C1orf198: variants seen among roughly 807,000 people sequenced by gnomAD.
C1orf198 encodes uncharacterized protein C1orf198.
A neutral mutation model predicts 31.4 loss-of-function variants in C1orf198; 17 were observed. That is an observed-to-expected ratio of 0.54 (90% CI 0.37 to 0.81). The LOEUF is 0.81. Among genes scored for constraint, C1orf198 ranks in the 40% least tolerant of loss-of-function variants. The pLI is 0.00. For synonymous variants in C1orf198, 175 were observed against 193.8 expected (o/e 0.90, Z 0.81); for missense variants, 401 against 450.3 (o/e 0.89, Z 0.99).
At chr1:230,855,169 A>G (rs1350258737) in intron 2 of C1orf198, among the ~76,000 whole-genome samples, 1 of 152,234 alleles carries the variant, frequency 6.6e-6, no homozygotes, top group Non-Finnish European at 1.5e-5. Flanking sequence ...GGTGATGATG[A>G]TGATAATGAT....
chr1:230,841,449 A>G (rs1336062170), intron 3 of C1orf198, among the ~76,000 whole-genome samples: 1 of 152,170 alleles, frequency 6.6e-6, no homozygotes, highest in Non-Finnish European at 1.5e-5. Flanking sequence ...CTCAACAACA[A>G]AATAACCAAA....
At chr1:230,868,780 C>A (rs1670190327), upstream of C1orf198, 1 of 166,968 alleles carries the variant, frequency 6.0e-6, no homozygotes, top group Non-Finnish European at 1.3e-5. Context: ...AGTGGATTAC[C>A]GCGGTGCCCG....
intron 2 of C1orf198, among the ~76,000 whole-genome samples, chr1:230,854,602 G>A (rs780248965): frequency 6.6e-6 from 1 of 152,090 alleles, no homozygotes; most frequent in African/African-American, 2.4e-5. Flanking sequence ...ATTGTCCCAC[G>A]CTCCCACGCC....
intron 1 of C1orf198, among the ~76,000 whole-genome samples, chr1:230,861,138 C>T (rs1180467507): frequency 1.3e-5 from 2 of 152,146 alleles, no homozygotes; most frequent in African/African-American, 4.8e-5. Context: ...TGTATGATAC[C>T]ATCATGGCGT....
intron 2 of C1orf198, among the ~76,000 whole-genome samples, chr1:230,848,413 G>A (rs1669647628): frequency 6.6e-6 from 1 of 152,172 alleles, no homozygotes; most frequent in South Asian, 2.1e-4. Flanking sequence ...AAGGGTGTGT[G>A]GGTAGGAAGG....
chr1:230,854,318 G>A (rs1669817252), intron 2 of C1orf198, among the ~76,000 whole-genome samples: 2 of 152,046 alleles, frequency 1.3e-5, no homozygotes, highest in African/African-American at 4.8e-5. Context: ...TACCCATTTT[G>A]GGAGCCCATA....
At position 230,843,434 on chromosome 1, in the gene C1orf198, G is replaced by A. The variant is rs1669501131; in HGVS notation, c.847C>T (p.Leu283Phe). ...TCAGGAGATGGCAGCTTCCCCTCGA[G>A]CTGGGAGGGGGCAGCCTCGTGCAGT... Reference protein sequence around the residue: ...SALHEAAPSQLEGKLPSPDVR... With the variant: ...SALHEAAPSQFEGKLPSPDVR... Residue 283 changes from leucine (L) to phenylalanine (F), a missense_variant, in exon 3 of 4, where the codon CTC becomes TTC. By Grantham distance (22) the Leu-to-Phe change is conservative. Transcript: ENST00000366663. The surrounding 1 kb of genome is among the most constrained non-coding windows in gnomAD (Gnocchi z 4.9). The A allele has an allele frequency of 1.9e-6, 3 of 1,592,700 alleles. No individual in the cohort carries two copies. The highest frequency in any genetic ancestry group is 2.6e-6 in the Non-Finnish European group (3 of 1,169,318).
At chr1:230,856,988 C>G (rs1396666823) in intron 1 of C1orf198, among the ~76,000 whole-genome samples, 2 of 152,220 alleles carry the variant, frequency 1.3e-5, no homozygotes, top group Non-Finnish European at 2.9e-5. Context: ...CTAGCTTAGC[C>G]TCAGACACTG....
rs576340515 is a variant in C1orf198, at chr1:230,865,750, T to C, written c.333+2430A>G. Among the ~76,000 whole-genome samples the C allele has an allele frequency of 5.3e-5, 8 of 152,332 alleles. No homozygotes were observed. The South Asian group carries it at 1.7e-3, about 32-fold the overall frequency. ...CTGACCACATTCAAAACCACCAAGA[T>C]CTGTGATCAGCATCATATAATCAAT... On this transcript the variant is annotated intron_variant, in intron 1 of 3. Transcript: ENST00000366663.
At chr1:230,863,302 T>G (rs995042339) in intron 1 of C1orf198, among the ~76,000 whole-genome samples, 11 of 152,114 alleles carry the variant, frequency 7.2e-5, no homozygotes, top group African/African-American at 2.7e-4. Flanking sequence ...AGCATGGTAA[T>G]GGAAACAGGA....
intron 1 of C1orf198, among the ~76,000 whole-genome samples, chr1:230,861,940 G>A (rs1323256485): frequency 2.6e-5 from 4 of 152,190 alleles, no homozygotes; most frequent in Admixed American, 6.5e-5. Flanking sequence ...TGACACCTGT[G>A]GCATCTTGGC....
rs1669335471 is a variant in C1orf198 at position 230,837,643 on chromosome 1, A to C, written c.*2209T>G. On this transcript the variant is annotated 3_prime_UTR_variant, in exon 4 of 4. Transcript: ENST00000366663. Reference sequence around the variant, plus strand: ...GTAGAGGAAGATCTGCCGGTCAGGCAGGATGAAGACCCACACAGGAGCCTG... The same window carrying C: ...GTAGAGGAAGATCTGCCGGTCAGGCCGGATGAAGACCCACACAGGAGCCTG... The C allele has an allele frequency of 6.6e-6, 1 of 152,192 alleles. No homozygotes were observed. The highest frequency in any genetic ancestry group is 2.4e-5 in the African/African-American group (1 of 41,456). 9.4% of individuals were successfully genotyped at this position (152,192 alleles called of 1,614,324 possible).
chr1:230,861,450 T>C (rs994726279), intron 1 of C1orf198, among the ~76,000 whole-genome samples: 3 of 152,232 alleles, frequency 2.0e-5, no homozygotes, highest in Admixed American at 1.3e-4. Context: ...ATACAGTTAC[T>C]ATTATCCATG....
At chr1:230,860,691 T>C (rs1669985345) in intron 1 of C1orf198, among the ~76,000 whole-genome samples, 1 of 152,182 alleles carries the variant, frequency 6.6e-6, no homozygotes, top group Non-Finnish European at 1.5e-5. Flanking sequence ...GAATAGAGGT[T>C]ATCAGAGACT....
chr1:230,846,748 G>A (rs2102977273), intron 2 of C1orf198, among the ~76,000 whole-genome samples: 1 of 152,266 alleles, frequency 6.6e-6, no homozygotes, highest in South Asian at 2.1e-4. Flanking sequence ...AGATCACGAG[G>A]TCAGAAGTTT....
At position 230,868,513 on chromosome 1, in the gene C1orf198, G is replaced by A. The variant is rs774967201; in HGVS notation, c.-1C>T. 7.5e-7 allele frequency: 1 copy of A among 1,336,426 alleles called. No individual in the cohort carries two copies. Among genetic ancestry groups the A allele is most frequent in the Non-Finnish European group, 9.7e-7 (1 of 1,035,986 alleles). 82.8% of individuals were successfully genotyped at this position (1,336,426 alleles called of 1,614,324 possible). On this transcript the variant is annotated 5_prime_UTR_variant, in exon 1 of 4. Coordinates refer to ENST00000366663, the MANE Select transcript of C1orf198 (RefSeq NM_032800.3). ...CGATCGCCGCCGCCATGGACGCCAT[G>A]CCCGGCCTGCCCGCCGCTCCCGGCC...
At position 230,839,737 on chromosome 1, in the gene C1orf198, AAG is replaced by A; in HGVS notation, c.*113_*114del. The stretch of plus-strand genomic sequence containing the variant: ...TGACCAGTTTCCAAATGATTAAGAA[AAG>A]AGTGTCAAGAAACCAGTAAAATACA... On this transcript the variant is annotated 3_prime_UTR_variant, in exon 4 of 4. Transcript: ENST00000366663. The A allele has an allele frequency of 1.1e-6, 1 of 905,462 alleles. No homozygotes were observed. The highest frequency in any genetic ancestry group is 1.7e-6 in the Non-Finnish European group (1 of 602,946). The allele number at this position is 905,462 out of a possible 1,614,324, so 56.1% of individuals were successfully genotyped here. A position where few individuals can be genotyped will look rare whatever the true frequency, so the allele number is the denominator to read the frequency against.
At chr1:230,858,221 A>T (rs1383304392) in intron 1 of C1orf198, among the ~76,000 whole-genome samples, 1 of 152,176 alleles carries the variant, frequency 6.6e-6, no homozygotes, top group Non-Finnish European at 1.5e-5. Flanking sequence ...TGCTAGGGGT[A>T]CAGTTGAGCT....
Position 230,838,441 on chromosome 1 carries a change from G to A in C1orf198, c.*1411C>T, listed in dbSNP as rs1669358231. 1 of 151,964 alleles carries A rather than the reference G, an allele frequency of 6.6e-6. No homozygotes were observed. Among genetic ancestry groups the A allele is most frequent in the Non-Finnish European group, 1.5e-5 (1 of 67,964 alleles). 9.4% of individuals were successfully genotyped at this position (151,964 alleles called of 1,614,324 possible). A position where few individuals can be genotyped will look rare whatever the true frequency, so the allele number is the denominator to read the frequency against. ...AGATGATGAGGGGTTGAGGTGAGTT[G>A]CTATGTGCTTTATTTTGGAGCCAGA... On this transcript the variant is annotated 3_prime_UTR_variant, in exon 4 of 4. Transcript: ENST00000366663. The surrounding 1 kb of genome is among the most constrained non-coding windows in gnomAD (Gnocchi z 4.2).
Sources: gnomAD v4.1 joint callset for allele counts (sites outside exome capture counted in the v4.1 genomes callset) on GRCh38, gnomAD v4.1.1 for gene constraint, Gnocchi (gnomAD v3.1) non-coding constraint, MANE v1.5 for transcripts, NCBI Gene and HGNC (gene_info 2026-07-23, HGNC 2026-07-21) for gene names.